The following CNTN4 variants were observed in gnomAD, a reference collection of about 807,000 sequenced individuals.
CNTN4 encodes contactin-4.
A neutral mutation model predicts 122.5 loss-of-function variants in CNTN4; 77 were observed. The ratio of observed to expected loss-of-function variants is 0.63; its 90% CI spans 0.52 to 0.76. CNTN4 has a LOEUF of 0.76. Ranked by LOEUF, CNTN4 falls within the 30% of genes least tolerant of loss-of-function variation. The probability of loss-of-function intolerance (pLI) is 0.00; values close to 1 mark genes in which losing one functional copy is unlikely to be tolerated. For missense variants in CNTN4, 1,256 were observed against 1,259.1 expected, an observed-to-expected ratio of 1.00 and a Z score of 0.04; for synonymous variants, 512 against 447.0, an observed-to-expected ratio of 1.15 and a Z score of -1.83.
intron 7 of CNTN4, among the ~76,000 whole-genome samples, chr3:2,853,071 G>T (rs189589699): frequency 2.0e-5 from 3 of 151,970 alleles, no homozygotes; most frequent in Non-Finnish European, 4.4e-5. Flanking sequence ...TGGTAAGAAG[G>T]GGCCATTAGT....
intron 6 of CNTN4, among the ~76,000 whole-genome samples, chr3:2,807,057 G>C (rs1442369713): frequency 2.0e-5 from 3 of 152,188 alleles, no homozygotes. Flanking sequence ...TTTTTGCTTT[G>C]TTTTGTTTTG....
At chr3:2,688,945 CTTACAGAGGTCTAATGTAGCACCTGAGAA>C (rs1407565491) in intron 4 of CNTN4, among the ~76,000 whole-genome samples, 3 of 152,258 alleles carry the variant, frequency 2.0e-5, no homozygotes, top group East Asian at 3.9e-4. Context: ...GAGATACGTC[CTTACAGAGGTCTAATGTAGCACCTGAGAA>C]TTACAGAGGT....
intron 13 of CNTN4, among the ~76,000 whole-genome samples, chr3:2,982,325 G>A (rs1694103782): frequency 6.6e-6 from 1 of 152,124 alleles, no homozygotes; most frequent in Non-Finnish European, 1.5e-5. Context: ...AACAAGTTCA[G>A]CAATTTCTTG....
intron 6 of CNTN4, among the ~76,000 whole-genome samples, chr3:2,817,727 T>C (rs962617129): frequency 2.0e-5 from 3 of 152,200 alleles, no homozygotes; most frequent in Non-Finnish European, 4.4e-5. Flanking sequence ...ACTCTGGAAA[T>C]TGAATGGGAT....
chr3:2,339,046 A>G (rs888303309), intron 2 of CNTN4, 132 bp from the exon 3 acceptor site: 2 of 152,150 alleles, frequency 1.3e-5, no homozygotes, highest in Non-Finnish European at 2.9e-5. Context: ...AATGTATTTA[A>G]TTTTTACTTT....
Position 2,887,162 on chromosome 3 carries a change from A to G in CNTN4, c.878A>G (p.Tyr293Cys), listed in dbSNP as rs370616204. The change falls in exon 10 of 25, where the codon TAT (tyrosine) becomes TGT (cysteine). Residue 293 changes from tyrosine to cysteine, a missense_variant. Physicochemically the swap from Tyr to Cys is radical, Grantham distance 194. Coordinates refer to ENST00000418658, the MANE Select transcript of CNTN4 (RefSeq NM_175607.3). ...TTTCAGCAGGAGGATGCTGGTTTAT[A>G]TGAATGTGTAGCTGAAAATTCCAGA... ...PNFQQEDAGL[Y>C]ECVAENSRGK... 3.7e-5 allele frequency: 59 copies of G among 1,614,024 alleles called. No homozygotes were observed. The highest frequency in any genetic ancestry group is 5.0e-5 in the Non-Finnish European group (59 of 1,180,032).
At chr3:2,756,463 CA>C (rs2090343765) in intron 6 of CNTN4, among the ~76,000 whole-genome samples, 1 of 152,190 alleles carries the variant, frequency 6.6e-6, no homozygotes, top group Non-Finnish European at 1.5e-5. Context: ...TTGGACTTCC[CA>C]GCCTCCAGAA....
At chr3:2,890,054 G>A (rs2094021177) in intron 10 of CNTN4, among the ~76,000 whole-genome samples, 1 of 152,204 alleles carries the variant, frequency 6.6e-6, no homozygotes, top group Admixed American at 6.5e-5. Context: ...CCTGCTTTCT[G>A]AAGATAACTC....
At chr3:2,521,343 T>TCCCCCCCCCCCCCCCCCCCCCCCCCC (rs5846190) in intron 3 of CNTN4, among the ~76,000 whole-genome samples, 4 of 128,310 alleles carry the variant, frequency 3.1e-5, no homozygotes, top group African/African-American at 9.4e-5. Context: ...CCTCTACCCA[T>TCCCCCCCCCCCCCCCCCCCCCCCCCC]CCCCCCCACC....
At chr3:2,402,615 G>A (rs753394831) in intron 3 of CNTN4, among the ~76,000 whole-genome samples, 3 of 151,780 alleles carry the variant, frequency 2.0e-5, no homozygotes, top group Non-Finnish European at 2.9e-5. Flanking sequence ...TTGTTAACTA[G>A]TGACCCTACT....
chr3:2,991,906 T>C (rs1695087754), intron 14 of CNTN4, among the ~76,000 whole-genome samples: 1 of 152,226 alleles, frequency 6.6e-6, no homozygotes, highest in African/African-American at 2.4e-5. Flanking sequence ...AATGTGCTTG[T>C]ATTCTTTCCG....
At chr3:2,165,762 A>G (rs2320377) in intron 2 of CNTN4, among the ~76,000 whole-genome samples, 13,371 of 151,904 alleles carry the variant, frequency 0.088, 1,139 homozygotes, top group East Asian at 0.32. Flanking sequence ...TTTGGATTCC[A>G]CATATAAGTG....
intron 23 of CNTN4, 46 bp from the exon 24 acceptor site, chr3:3,053,761 C>A: frequency 6.3e-7 from 1 of 1,599,442 alleles, no homozygotes; most frequent in Non-Finnish European, 8.6e-7. Flanking sequence ...ATATTTGGGA[C>A]CTTTGTGAAG....
In CNTN4 at chr3:3,056,419, ACT is replaced by A. The variant is rs1574958122; in HGVS notation, c.*202_*203del. 16 of 558,276 alleles carry A rather than the reference ACT, an allele frequency of 2.9e-5. No homozygotes were observed. Among genetic ancestry groups the A allele is most frequent in the East Asian group, 1.9e-4 (6 of 31,574 alleles). 34.6% of individuals were successfully genotyped at this position (558,276 alleles called of 1,614,324 possible). A position where few individuals can be genotyped will look rare whatever the true frequency, so the allele number is the denominator to read the frequency against. On this transcript the variant is annotated 3_prime_UTR_variant, in exon 25 of 25. Transcript: ENST00000418658. ...AGCTTTGTCTGAAGTTTCTTTGGAA[ACT>A]CTGCAATGCACTGAAGACATCTGTA...
rs200401000 is a variant in CNTN4 at position 2,202,346 on chromosome 3, TG to T, written c.-145+101712del. Among the ~76,000 whole-genome samples, 853 of 152,230 alleles carry T rather than the reference TG, an allele frequency of 5.6e-3. 10 individuals are homozygous for T. Among genetic ancestry groups the T allele is most frequent in the African/African-American group, 0.019 (805 of 41,548 alleles). On this transcript the variant is annotated intron_variant, in intron 2 of 24. Coordinates refer to ENST00000418658, the MANE Select transcript of CNTN4 (RefSeq NM_175607.3). ...GCTTACGCTTTCTGTGGGAAAACCA[TG>T]GGGGTGGGAGTTACAAGTATTTGTT...
Position 3,022,443 on chromosome 3 carries a change from G to A in CNTN4, c.1487-3659G>A, listed in dbSNP as rs1698386105. 2.6e-5 allele frequency among the ~76,000 whole-genome samples: 4 copies of A among 152,052 alleles called. No homozygotes were observed. In the South Asian group the frequency reaches 6.2e-4, roughly 24 times the overall value. On this transcript the variant is annotated intron_variant, in intron 14 of 24. Transcript: ENST00000418658. ...AAACAGCGTAGTGTTTTAAAAAATA[G>A]AATCCTTATCCAATGGACCCCAAAA...
chr3:2,797,918 G>GTATT (rs2092238462), intron 6 of CNTN4, among the ~76,000 whole-genome samples: 1 of 43,716 alleles, frequency 2.3e-5, no homozygotes, highest in African/African-American at 5.3e-5. Flanking sequence ...ACCACACTGA[G>GTATT]TATTTTTTTT....
At chr3:2,715,203 C>T (rs1004705922) in intron 4 of CNTN4, among the ~76,000 whole-genome samples, 6 of 152,112 alleles carry the variant, frequency 3.9e-5, no homozygotes, top group African/African-American at 1.2e-4. Context: ...TTTCTAAAAA[C>T]CTTCTAAAGG....
At chr3:2,307,169 C>T (rs1262512576) in intron 2 of CNTN4, among the ~76,000 whole-genome samples, 1 of 152,176 alleles carries the variant, frequency 6.6e-6, no homozygotes, top group African/African-American at 2.4e-5. Flanking sequence ...GGCGCAGTGG[C>T]TCACGCCTGT....
Sources: allele counts gnomAD v4.1 joint callset (sites outside exome capture counted in the v4.1 genomes callset), GRCh38; gene constraint gnomAD v4.1.1; transcripts MANE v1.5; gene names NCBI Gene and HGNC (gene_info 2026-07-23, HGNC 2026-07-21).